SLC10A1: variants seen among roughly 807,000 people sequenced by gnomAD.
SLC10A1 encodes the protein solute carrier family 10 member 1.
In SLC10A1, 36 loss-of-function variants were observed where a neutral mutation model predicts 20.5. The observed-to-expected ratio is 1.75, with a 90% CI of 1.34 to 2.32. The LOEUF is 2.32. Ranked by LOEUF, SLC10A1 falls within the 30% of genes most tolerant of loss-of-function variation. The probability of loss-of-function intolerance (pLI) is 0.00; values close to 1 mark genes in which losing one functional copy is unlikely to be tolerated. For synonymous variants in SLC10A1, 188 were observed against 163.6 expected, an observed-to-expected ratio of 1.15 and a Z score of -1.14; for missense variants, 545 against 439.1, an observed-to-expected ratio of 1.24 and a Z score of -2.16.
chr14:69,776,484 G>A, intron 4 of SLC10A1, 96 bp from the exon 5 acceptor site: 1 of 902,616 alleles, frequency 1.1e-6, no homozygotes, highest in Non-Finnish European at 1.8e-6. Context: ...TACCAACTCA[G>A]CCCTAGAGTG....
intron 2 of SLC10A1, among the ~76,000 whole-genome samples, chr14:69,782,543 C>G (rs574223018): frequency 6.6e-6 from 1 of 152,184 alleles, no homozygotes; most frequent in African/African-American, 2.4e-5. Flanking sequence ...TGTGGTGGCT[C>G]ACGCCTGTAA....
rs757581074 is a variant in SLC10A1 at position 69,778,447 on chromosome 14, C to A, written c.829G>T (p.Glu277Ter). ...AAGAAGAAAAGTGGTCCAATGACTT[C>A]AGGTGGAAAGGCCACATTGAGGATG... The part of the protein sequence containing the change: ...STILNVAFPP[E>*]VIGPLFFFPL... The change falls in exon 4 of 5, where the codon GAA (glutamate) becomes TAA (stop). Residue 277 changes from glutamate (E) to a stop codon, truncating the protein, a stop_gained. Transcript: ENST00000216540. LOFTEE classifies it high-confidence loss of function. 2.5e-6 allele frequency: 4 copies of A among 1,613,952 alleles called. No individual in the cohort carries two copies. Among genetic ancestry groups the A allele is most frequent in the Middle Eastern group, 1.7e-4 (1 of 6,058 alleles).
rs569402278 is a variant in SLC10A1, at chr14:69,797,000, C to G, written c.156G>C (p.Lys52Asn). The change falls in exon 1 of 5, where the codon AAG becomes AAC. Residue 52 changes from lysine (K) to asparagine (N), a missense_variant. By Grantham distance (94) the Lys-to-Asn change is moderately conservative (BLOSUM62 0). Transcript: ENST00000216540. Reference protein sequence around the residue: ...LGCTMEFSKIKAHLWKPKGLA... With the variant: ...LGCTMEFSKINAHLWKPKGLA... Reference sequence around the variant, plus strand: ...GCCCTTTAGGCTTCCATAAGTGAGCCTTGATCTTGCTGAACTCCATGGTGC... The same window carrying G: ...GCCCTTTAGGCTTCCATAAGTGAGCGTTGATCTTGCTGAACTCCATGGTGC... 1.3e-5 allele frequency: 21 copies of G among 1,614,252 alleles called. No individual in the cohort carries two copies. In the South Asian group the frequency reaches 2.3e-4, roughly 18 times the overall value.
At chr14:69,786,336 G>C in intron 1 of SLC10A1, 29 bp from the exon 2 acceptor site, 3 of 1,572,428 alleles carry the variant, frequency 1.9e-6, no homozygotes, top group African/African-American at 1.3e-5. Context: ...AGAGGGGAGA[G>C]AGAGAGAGCC....
intron 2 of SLC10A1, among the ~76,000 whole-genome samples, chr14:69,781,186 G>A (rs1156802314): frequency 1.3e-5 from 2 of 152,132 alleles, no homozygotes; most frequent in Non-Finnish European, 2.9e-5. Context: ...TTACTCAAAG[G>A]GGAGGAATTA....
chr14:69,794,956 T>C (rs1882356828), intron 1 of SLC10A1, among the ~76,000 whole-genome samples: 1 of 152,192 alleles, frequency 6.6e-6, no homozygotes, highest in African/African-American at 2.4e-5. Context: ...GGCTGGGACA[T>C]CTGGCCACTC....
At chr14:69,786,456 A>G in intron 1 of SLC10A1, 149 bp from the exon 2 acceptor site, 1 of 651,058 alleles carries the variant, frequency 1.5e-6, no homozygotes, top group Non-Finnish European at 2.7e-6. Context: ...TAAGCATACT[A>G]TCTTCTTTTC....
At chr14:69,784,466 G>T (rs1434171324) in intron 2 of SLC10A1, among the ~76,000 whole-genome samples, 1 of 152,122 alleles carries the variant, frequency 6.6e-6, no homozygotes, top group African/African-American at 2.4e-5. Context: ...ACTCATGAGA[G>T]AGCTCTGGCG....
chr14:69,795,908 G>C (rs1186602594), intron 1 of SLC10A1, among the ~76,000 whole-genome samples: 1 of 152,154 alleles, frequency 6.6e-6, no homozygotes, highest in Non-Finnish European at 1.5e-5. Context: ...TAAACCAGGG[G>C]GGACTGGCTT....
chr14:69,786,443 C>T (rs978128148), intron 1 of SLC10A1, 136 bp from the exon 2 acceptor site: 3 of 672,764 alleles, frequency 4.5e-6, no homozygotes, highest in African/African-American at 1.8e-5. Context: ...TAACATTAGG[C>T]AGTAAGCATA....
intron 1 of SLC10A1, among the ~76,000 whole-genome samples, chr14:69,793,618 A>G (rs897345551): frequency 2.6e-5 from 4 of 152,132 alleles, no homozygotes; most frequent in African/African-American, 9.7e-5. Flanking sequence ...AGTGGCTTCC[A>G]TCTTGTCCTG....
chr14:69,786,857 A>T (rs1883728511), intron 1 of SLC10A1, among the ~76,000 whole-genome samples: 1 of 152,198 alleles, frequency 6.6e-6, no homozygotes, highest in African/African-American at 2.4e-5. Context: ...GGGGAGTCTG[A>T]GTGTGAGACA....
chr14:69,782,772 C>T (rs1190121225), intron 2 of SLC10A1, among the ~76,000 whole-genome samples: 1 of 149,378 alleles, frequency 6.7e-6, no homozygotes, highest in East Asian at 2.0e-4. Flanking sequence ...CGCGCCACTG[C>T]ACTCCAACCT....
At position 69,779,359 on chromosome 14, in the gene SLC10A1, C is replaced by G. The variant is rs553948182; in HGVS notation, c.569G>C (p.Gly190Ala). 1 of 1,603,560 alleles carries G rather than the reference C, an allele frequency of 6.2e-7. No individual in the cohort carries two copies. ...GCACAAGAGAATGATGATCATCCCT[C>G]CCTGGGAATGAAGACAAGAAAAGGC... Reference protein sequence around the residue: ...RPQYMRYVIKGGMIIILLCSV... With the variant: ...RPQYMRYVIKAGMIIILLCSV... The change falls in exon 3 of 5, where the codon GGA (glycine) becomes GCA (alanine). Residue 190 changes from glycine to alanine, a missense_variant and splice_region_variant. Gly to Ala is a moderately conservative substitution (Grantham distance 60, BLOSUM62 0). Coordinates refer to ENST00000216540, the MANE Select transcript of SLC10A1 (RefSeq NM_003049.4).
intron 3 of SLC10A1, among the ~76,000 whole-genome samples, chr14:69,778,776 A>G (rs1883514366): frequency 6.6e-6 from 1 of 152,138 alleles, no homozygotes; most frequent in Admixed American, 6.5e-5. Context: ...TATTGCCAGG[A>G]AAGTGTCTTG....
chr14:69,779,773 G>T (rs1177304283), intron 2 of SLC10A1, among the ~76,000 whole-genome samples: 2 of 152,154 alleles, frequency 1.3e-5, no homozygotes. Flanking sequence ...ACACATCTCT[G>T]GATAGCAGAC....
rs893859505 is a variant in SLC10A1, at chr14:69,776,198, T to C, written c.*84A>G. On this transcript the variant is annotated 3_prime_UTR_variant, in exon 5 of 5. Coordinates refer to ENST00000216540, the MANE Select transcript of SLC10A1 (RefSeq NM_003049.4). The stretch of plus-strand genomic sequence containing the variant: ...TGCTGGAGAAAGACTCAGGCAAGAC[T>C]GGTGTTTTTGCTGCTCTCTCTAGTT... 3.4e-6 allele frequency: 3 copies of C among 891,952 alleles called. No homozygotes were observed. Among genetic ancestry groups the C allele is most frequent in the Non-Finnish European group, 5.4e-6 (3 of 550,618 alleles). 55.3% of individuals were successfully genotyped at this position (891,952 alleles called of 1,614,324 possible).
At chr14:69,788,830 G>A (rs1176023258) in intron 1 of SLC10A1, among the ~76,000 whole-genome samples, 2 of 152,276 alleles carry the variant, frequency 1.3e-5, no homozygotes, top group African/African-American at 2.4e-5. Context: ...ACAGGCGTGA[G>A]CCACCGCGCC....
At chr14:69,780,830 TTCTG>T (rs1335428221) in intron 2 of SLC10A1, among the ~76,000 whole-genome samples, 7 of 152,334 alleles carry the variant, frequency 4.6e-5, no homozygotes, top group South Asian at 2.1e-4. Context: ...CCTTTTAGAT[TTCTG>T]TCTTTCGAAT....
Sources: gnomAD v4.1 joint callset for allele counts (sites outside exome capture counted in the v4.1 genomes callset) on GRCh38, gnomAD v4.1.1 for gene constraint, MANE v1.5 for transcripts, NCBI Gene and HGNC (gene_info 2026-07-23, HGNC 2026-07-21) for gene names.